Variants in GABRB1 observed in about 807,000 individuals in gnomAD.
GABRB1 encodes the protein gamma-aminobutyric acid type A receptor subunit beta1.
A neutral mutation model predicts 51.6 loss-of-function variants in GABRB1; 17 were observed. The ratio of observed to expected loss-of-function variants is 0.33; its 90% confidence interval spans 0.23 to 0.49. The LOEUF (loss-of-function observed/expected upper bound fraction) is 0.49. Ranked by LOEUF, GABRB1 falls within the 20% of genes least tolerant of loss-of-function variation. The pLI is 0.99. For synonymous variants in GABRB1, 247 were observed against 218.9 expected (o/e 1.13, Z -1.14); for missense variants, 410 against 600.6 (o/e 0.68, Z 3.32).
At chr4:47,356,609 C>T (rs1283322955) in intron 5 of GABRB1, among the ~76,000 whole-genome samples, 2 of 152,088 alleles carry the variant, frequency 1.3e-5, no homozygotes, top group African/African-American at 4.8e-5. Flanking sequence ...CCTTCTGCTG[C>T]CTGTGTGATG....
chr4:47,221,336 A>G (rs12501459), intron 4 of GABRB1, among the ~76,000 whole-genome samples: 7,494 of 152,022 alleles, frequency 0.049, 228 homozygotes, highest in South Asian at 0.084. Flanking sequence ...CAACCAAGTT[A>G]AGTGTTCAAA....
intron 4 of GABRB1, 27 bp downstream of exon 4, chr4:47,161,496 A>G: frequency 1.3e-6 from 2 of 1,573,694 alleles, no homozygotes; most frequent in East Asian, 2.2e-5. Flanking sequence ...TGCATGTTTT[A>G]ATGTTGTTGT....
At chr4:47,049,032 C>T (rs572358205) in intron 3 of GABRB1, among the ~76,000 whole-genome samples, 2 of 150,408 alleles carry the variant, frequency 1.3e-5, no homozygotes, top group South Asian at 2.1e-4. Flanking sequence ...TAGACAGAGC[C>T]TTTCCTCTTA....
chr4:47,052,360 G>C (rs989117375), intron 3 of GABRB1, among the ~76,000 whole-genome samples: 1 of 152,164 alleles, frequency 6.6e-6, no homozygotes, highest in Non-Finnish European at 1.5e-5. Context: ...ATTTCCTGTA[G>C]GATCTCCTTC....
chr4:47,139,137 G>T (rs935396858), intron 3 of GABRB1, among the ~76,000 whole-genome samples: 1 of 151,940 alleles, frequency 6.6e-6, no homozygotes, highest in African/African-American at 2.4e-5. Context: ...GAATCTTTCT[G>T]TCACTCTCCC....
intron 8 of GABRB1, among the ~76,000 whole-genome samples, chr4:47,416,900 A>G (rs1383515924): frequency 1.3e-5 from 2 of 152,210 alleles, no homozygotes; most frequent in African/African-American, 4.8e-5. Context: ...GCAAGAGGTG[A>G]TGGTGGAAAG....
At chr4:47,337,928 T>C (rs779368387) in intron 5 of GABRB1, among the ~76,000 whole-genome samples, 1 of 151,868 alleles carries the variant, frequency 6.6e-6, no homozygotes, top group Non-Finnish European at 1.5e-5. Context: ...GGGTAACAAC[T>C]GTCATGAAAG....
rs973649849 is a variant in GABRB1 at position 47,346,504 on chromosome 4, T to C, written c.544+26295T>C. 2.0e-5 allele frequency among the ~76,000 whole-genome samples: 3 copies of C among 152,194 alleles called. No homozygotes were observed. The East Asian group carries it at 5.8e-4, about 29-fold the overall frequency. ...TGGCATTAATTTTCAAGATTTGTGGTAATAAGGCATCTGGTAATCATGAAG... is the reference window on the plus strand; with the variant it reads ...TGGCATTAATTTTCAAGATTTGTGGCAATAAGGCATCTGGTAATCATGAAG... On this transcript the variant is annotated intron_variant, in intron 5 of 8. Coordinates refer to ENST00000295454, the MANE Select transcript of GABRB1 (RefSeq NM_000812.4).
In GABRB1 at chr4:47,113,386, C is replaced by CAAAA. The variant is rs760542350; in HGVS notation, c.241-47848_241-47845dup. Among the ~76,000 whole-genome samples, 753 of 107,032 alleles carry CAAAA rather than the reference C, an allele frequency of 7.0e-3. 13 individuals carry two copies. Among genetic ancestry groups the CAAAA allele is most frequent in the African/African-American group, 0.023 (708 of 30,532 alleles). 70.2% of individuals were successfully genotyped at this position (107,032 alleles called of 152,430 possible). On this transcript the variant is annotated intron_variant, in intron 3 of 8. Transcript: ENST00000295454. ...GGGTGACAGAGTGAGACTTCGTCTC[C>CAAAA]AAAAAAAAAAAAAAAAAATCATTTA...
At chr4:47,292,270 G>A (rs966107387) in intron 4 of GABRB1, among the ~76,000 whole-genome samples, 1 of 152,108 alleles carries the variant, frequency 6.6e-6, no homozygotes, top group Non-Finnish European at 1.5e-5. Context: ...TGATTGTGAG[G>A]CATCCCCAGC....
chr4:47,312,608 C>A lies in GABRB1; in HGVS notation c.462-7519C>A, dbSNP rs1328932006. Among the ~76,000 whole-genome samples the A allele has an allele frequency of 2.6e-5, 4 of 152,136 alleles. No homozygotes were observed. The East Asian group carries it at 7.7e-4, about 29-fold the overall frequency. On this transcript the variant is annotated intron_variant, in intron 4 of 8. Transcript: ENST00000295454. ...TAACAGCTACTCACTCTCAATTTCA[C>A]CAATATTAGGAGTATAAATAGGGTT... is the stretch of plus-strand genomic sequence containing the variant.
chr4:47,371,460 G>A (rs940409634), intron 5 of GABRB1, among the ~76,000 whole-genome samples: 1 of 152,106 alleles, frequency 6.6e-6, no homozygotes, highest in Non-Finnish European at 1.5e-5. Context: ...CCCAGTAATG[G>A]GATTGCTGGT....
chr4:47,297,195 A>G (rs1464595280), intron 4 of GABRB1, among the ~76,000 whole-genome samples: 2 of 151,242 alleles, frequency 1.3e-5, no homozygotes, highest in Non-Finnish European at 2.9e-5. Context: ...TCACAATTAA[A>G]AGAACTAGAA....
At chr4:47,379,601 A>T (rs1380774040) in intron 5 of GABRB1, among the ~76,000 whole-genome samples, 1 of 152,202 alleles carries the variant, frequency 6.6e-6, no homozygotes, top group Non-Finnish European at 1.5e-5. Flanking sequence ...TTATAAATTG[A>T]AAACCATCTG....
intron 5 of GABRB1, among the ~76,000 whole-genome samples, chr4:47,336,084 T>C (rs904730484): frequency 1.3e-5 from 2 of 152,162 alleles, no homozygotes; most frequent in Admixed American, 6.6e-5. Flanking sequence ...ATCGACCAAG[T>C]GGAAGAAAGC....
In GABRB1 at chr4:47,398,111, T is replaced by C. The variant is rs149084276; in HGVS notation, c.545-5207T>C. 1.6e-4 allele frequency among the ~76,000 whole-genome samples: 24 copies of C among 152,318 alleles called. 1 individual carries two copies. In the East Asian group the frequency reaches 4.4e-3, roughly 28 times the overall value. On this transcript the variant is annotated intron_variant, in intron 5 of 8. Coordinates refer to ENST00000295454, the MANE Select transcript of GABRB1 (RefSeq NM_000812.4). ...GCTTCATATGTGTTTTGCATATTTC[T>C]GGCCAAATTTATTACTGGATAATTT...
chr4:47,017,366 A>G (rs1404180721), intron 1 of GABRB1, among the ~76,000 whole-genome samples: 1 of 152,208 alleles, frequency 6.6e-6, no homozygotes, highest in Non-Finnish European at 1.5e-5. Flanking sequence ...CATTACTCAC[A>G]TTATTTACTC....
At chr4:47,368,437 G>T (rs531262779) in intron 5 of GABRB1, among the ~76,000 whole-genome samples, 1 of 152,078 alleles carries the variant, frequency 6.6e-6, no homozygotes, top group Admixed American at 6.5e-5. Flanking sequence ...ACAGGGGAGG[G>T]GAGGTGCTAC....
intron 3 of GABRB1, 97 bp from the exon 4 acceptor site, chr4:47,161,152 A>C (rs1281535029): frequency 1.2e-6 from 1 of 829,858 alleles, no homozygotes; most frequent in Non-Finnish European, 1.9e-6. Context: ...TAATATATTC[A>C]AATGTAATCT....
Sources: allele counts gnomAD v4.1 joint callset (sites outside exome capture counted in the v4.1 genomes callset), GRCh38; gene constraint gnomAD v4.1.1; transcripts MANE v1.5; gene names NCBI Gene and HGNC (gene_info 2026-07-23, HGNC 2026-07-21).